The following PCDH15 variants were observed in gnomAD, a reference collection of about 807,000 sequenced individuals.
The protein encoded by PCDH15 is protocadherin-15.
In PCDH15, 129 loss-of-function variants were observed where a neutral mutation model predicts 178.5. That is an observed-to-expected ratio of 0.72 (90% confidence interval 0.63 to 0.84). The LOEUF is 0.84. Ranked by LOEUF, PCDH15 falls within the 40% of genes least tolerant of loss-of-function variation. The pLI, the probability that PCDH15 is intolerant of heterozygous loss-of-function variation, is 0.00. For missense variants in PCDH15, 2,230 were observed against 2,099.9 expected (o/e 1.06, Z -1.21); for synonymous variants, 800 against 732.0 (o/e 1.09, Z -1.50).
intron 2 of PCDH15, among the ~76,000 whole-genome samples, chr10:55,568,012 T>A (rs1842336789): frequency 6.6e-6 from 1 of 152,016 alleles, no homozygotes. Context: ...AATAATATGG[T>A]GAATCATCAA....
At chr10:54,051,282 G>A (rs2093768168) in intron 18 of PCDH15, among the ~76,000 whole-genome samples, 1 of 152,180 alleles carries the variant, frequency 6.6e-6, no homozygotes, top group Admixed American at 6.5e-5. Flanking sequence ...CTCAGAAGAA[G>A]ATCTAAAAAT....
intron 2 of PCDH15, among the ~76,000 whole-genome samples, chr10:54,656,637 C>G (rs1187625409): frequency 6.6e-6 from 1 of 152,146 alleles, no homozygotes; most frequent in African/African-American, 2.4e-5. Flanking sequence ...AAACATACCC[C>G]ATAACCTGCT....
chr10:54,563,256 A>T (rs1432902864), intron 2 of PCDH15, among the ~76,000 whole-genome samples: 2 of 145,120 alleles, frequency 1.4e-5, no homozygotes, highest in Non-Finnish European at 3.0e-5. Flanking sequence ...ATAATGCCAC[A>T]AGCTAAGACT....
intron 1 of PCDH15, among the ~76,000 whole-genome samples, chr10:54,684,118 G>A (rs1454306300): frequency 6.6e-6 from 1 of 151,914 alleles, no homozygotes; most frequent in Non-Finnish European, 1.5e-5. Flanking sequence ...AAATGCATGT[G>A]TTATTGTATA....
At chr10:53,823,108 A>G (rs751482285) in intron 32 of PCDH15, 1 of 1,613,946 alleles carries the variant, frequency 6.2e-7, no homozygotes, top group South Asian at 1.1e-5. Flanking sequence ...GAAATGTCTG[A>G]ATTTGTTGAT....
intron 2 of PCDH15, among the ~76,000 whole-genome samples, chr10:54,621,239 AT>A (rs2093340255): frequency 6.6e-6 from 1 of 151,996 alleles, no homozygotes; most frequent in Non-Finnish European, 1.5e-5. Flanking sequence ...AAATGAACAT[AT>A]ATTGATTAGT....
chr10:53,814,486 A>G (rs2075988906), intron 35 of PCDH15, among the ~76,000 whole-genome samples: 1 of 152,192 alleles, frequency 6.6e-6, no homozygotes, highest in Non-Finnish European at 1.5e-5. Context: ...TAAGAAGTAT[A>G]GAAGGGATGC....
At chr10:55,239,634 A>C (rs559908720) in intron 1 of PCDH15, among the ~76,000 whole-genome samples, 1 of 152,298 alleles carries the variant, frequency 6.6e-6, no homozygotes, top group African/African-American at 2.4e-5. Flanking sequence ...CTGGGCAAAG[A>C]TTTCTTGAGT....
chr10:54,243,473 C>G (rs1389985420), intron 8 of PCDH15, among the ~76,000 whole-genome samples: 3 of 152,060 alleles, frequency 2.0e-5, no homozygotes, highest in Admixed American at 1.3e-4. Context: ...TGCCACTGCA[C>G]TCCAGTCTGG....
intron 2 of PCDH15, among the ~76,000 whole-genome samples, chr10:55,146,509 A>T (rs1327109007): frequency 8.6e-5 from 13 of 151,952 alleles, no homozygotes; most frequent in Admixed American, 7.9e-4. Flanking sequence ...AAAGAAAAAA[A>T]GTTTCCTGAT....
intron 2 of PCDH15, among the ~76,000 whole-genome samples, chr10:55,503,001 C>G (rs1840688669): frequency 6.6e-6 from 1 of 151,378 alleles, no homozygotes; most frequent in African/African-American, 2.4e-5. Flanking sequence ...ACATTAATAG[C>G]AAAACAACAT....
chr10:54,482,590 T>C (rs758362947), intron 3 of PCDH15, among the ~76,000 whole-genome samples: 1 of 151,684 alleles, frequency 6.6e-6, no homozygotes, highest in African/African-American at 2.4e-5. Context: ...CAGAAGGTGT[T>C]CAGGAAAAGA....
In PCDH15 at chr10:54,718,666, C is replaced by T. The variant is rs185412170; in HGVS notation, c.-28-54376G>A. 5.1e-4 allele frequency among the ~76,000 whole-genome samples: 74 copies of T among 146,460 alleles called. 1 individual carries two copies. In the East Asian group the frequency reaches 6.2e-3, roughly 12 times the overall value. ...TGAAAAACAGAGTGCCACAACACTTCGAAAGATCACACTGATTCTTTTTTT... is the reference window on the plus strand; with the variant it reads ...TGAAAAACAGAGTGCCACAACACTTTGAAAGATCACACTGATTCTTTTTTT... On this transcript the variant is annotated intron_variant, in intron 1 of 37. Transcript: ENST00000644397.
chr10:55,544,917 T>C (rs1179263393), intron 2 of PCDH15, among the ~76,000 whole-genome samples: 1 of 152,134 alleles, frequency 6.6e-6, no homozygotes, highest in Non-Finnish European at 1.5e-5. Flanking sequence ...ATAAGAAGTA[T>C]AAGGCAGATC....
intron 14 of PCDH15, 93 bp from the exon 15 acceptor site, chr10:54,133,100 A>C (rs2042584074): frequency 6.4e-7 from 1 of 1,556,950 alleles, no homozygotes; most frequent in Non-Finnish European, 8.8e-7. Flanking sequence ...GGTTTACAGG[A>C]GAAAAAATTT....
At chr10:54,196,037 T>C (rs1247308935) in intron 10 of PCDH15, 148 bp from the exon 11 acceptor site, 7 of 687,836 alleles carry the variant, frequency 1.0e-5, no homozygotes, top group Non-Finnish European at 1.7e-5. Context: ...TTTGAAAATA[T>C]AAATGAGGAA....
At chr10:54,757,185 C>T (rs7905177) in intron 1 of PCDH15, among the ~76,000 whole-genome samples, 54,414 of 151,444 alleles carry the variant, frequency 0.36, 10,013 homozygotes, top group Middle Eastern at 0.47. Context: ...TGTAACTGTC[C>T]TTATTAGAAA....
chr10:55,015,482 C>T (rs1174269297), intron 2 of PCDH15, among the ~76,000 whole-genome samples: 5 of 152,042 alleles, frequency 3.3e-5, no homozygotes, highest in African/African-American at 9.7e-5. Context: ...GAGTACTGAG[C>T]GCTGTTCAAT....
intron 2 of PCDH15, among the ~76,000 whole-genome samples, chr10:54,631,882 T>C (rs147788325): frequency 1.7e-3 from 252 of 152,044 alleles, no homozygotes; most frequent in African/African-American, 5.3e-3. Flanking sequence ...ACTCACACAC[T>C]TCGCGAGAAC....
Sources: allele counts gnomAD v4.1 joint callset (sites outside exome capture counted in the v4.1 genomes callset), GRCh38; gene constraint gnomAD v4.1.1; transcripts MANE v1.5; gene names NCBI Gene and HGNC (gene_info 2026-07-23, HGNC 2026-07-21).